The following SPPL2B variants were observed in gnomAD, a reference collection of about 807,000 sequenced individuals.
SPPL2B encodes the protein signal peptide peptidase-like 2B.
Under a neutral mutation model 59.7 loss-of-function variants are expected in SPPL2B, and 39 were observed. The observed-to-expected ratio is 0.65, with a 90% CI of 0.51 to 0.85. The LOEUF is 0.85. Ranked by LOEUF, SPPL2B falls within the 40% of genes least tolerant of loss-of-function variation. The pLI is 0.00. For synonymous variants in SPPL2B, 419 were observed against 370.8 expected (o/e 1.13, Z -1.49); for missense variants, 865 against 849.0 (o/e 1.02, Z -0.23).
intron 2 of SPPL2B, among the ~76,000 whole-genome samples, chr19:2,335,443 C>A (rs1317724210): frequency 6.9e-6 from 1 of 145,556 alleles, no homozygotes. Context: ...CCACTGCATG[C>A]TTCAGGCCCC....
At chr19:2,335,914 C>T (rs1370991969) in intron 2 of SPPL2B, among the ~76,000 whole-genome samples, 1 of 152,200 alleles carries the variant, frequency 6.6e-6, no homozygotes, top group Non-Finnish European at 1.5e-5. Flanking sequence ...CATGTGTCTG[C>T]ATGTTTATGT....
chr19:2,339,266 G>T, intron 5 of SPPL2B, 58 bp downstream of exon 5: 2 of 1,555,344 alleles, frequency 1.3e-6, no homozygotes, highest in South Asian at 2.4e-5. Flanking sequence ...ACACGGGCCG[G>T]GACGGCCAGT....
At position 2,340,586 on chromosome 19, in the gene SPPL2B, C is replaced by T. The variant is rs1968970587; in HGVS notation, c.840-312C>T. The T allele has an allele frequency of 7.4e-6, 4 of 541,780 alleles. No homozygotes were observed. In the Admixed American group the frequency reaches 9.6e-5, roughly 13 times the overall value. 33.6% of individuals were successfully genotyped at this position (541,780 alleles called of 1,614,324 possible). A position where few individuals can be genotyped will look rare whatever the true frequency, so the allele number is the denominator to read the frequency against. On this transcript the variant is annotated intron_variant, in intron 7 of 14. Transcript: ENST00000613503. ...GAAGCGGGGCTAGCCCAGGGGGAGA[C>T]CTTTTTGTGTTGCCGTCCCTGGGTG...
chr19:2,337,708 C>T, intron 3 of SPPL2B, 83 bp downstream of exon 3: 8 of 1,358,558 alleles, frequency 5.9e-6, no homozygotes, highest in Non-Finnish European at 7.8e-6. Context: ...GCAGCTGGGG[C>T]TGGTCTTCCG....
chr19:2,348,999 C>T (rs1469231304), intron 13 of SPPL2B, among the ~76,000 whole-genome samples: 3 of 138,690 alleles, frequency 2.2e-5, no homozygotes, highest in African/African-American at 5.6e-5. Context: ...CACACTCACG[C>T]TCTCATTCGC....
At chr19:2,350,967 C>G (rs766025596) in intron 13 of SPPL2B, among the ~76,000 whole-genome samples, 2 of 152,266 alleles carry the variant, frequency 1.3e-5, no homozygotes, top group African/African-American at 2.4e-5. Flanking sequence ...TGACCCCAAA[C>G]ATTTCACTGG....
intron 3 of SPPL2B, chr19:2,338,162 G>A (rs1231464297): frequency 3.2e-5 from 5 of 156,422 alleles, no homozygotes; most frequent in Admixed American, 1.3e-4. Flanking sequence ...TGCTGGGCTG[G>A]GCAGGGTGCG....
intron 1 of SPPL2B, among the ~76,000 whole-genome samples, chr19:2,330,952 G>C (rs1247224063): frequency 6.6e-6 from 1 of 152,222 alleles, no homozygotes; most frequent in East Asian, 1.9e-4. Flanking sequence ...CCTGGAGGGG[G>C]GCAGTGCTTC....
rs777191787 is a variant in SPPL2B at position 2,345,237 on chromosome 19, C to T, written c.1277-16C>T. ...TCTGCGGGCCCGAGTAAGCCTCCGC[C>T]CTGTGCCTCCCCCAGGGCTGCTGGT... On this transcript the variant is annotated splice_polypyrimidine_tract_variant and intron_variant, in intron 12 of 14. Coordinates refer to ENST00000613503, the MANE Select transcript of SPPL2B (RefSeq NM_152988.3). 5.6e-6 allele frequency: 9 copies of T among 1,611,978 alleles called. No individual in the cohort carries two copies. Among genetic ancestry groups the T allele is most frequent in the Non-Finnish European group, 6.8e-6 (8 of 1,179,076 alleles).
chr19:2,340,921 A>C lies in SPPL2B; in HGVS notation c.863A>C (p.Tyr288Ser). The C allele has an allele frequency of 6.3e-7, 1 of 1,598,942 alleles. No homozygotes were observed. The highest frequency in any genetic ancestry group is 8.5e-7 in the Non-Finnish European group (1 of 1,177,768). ...KCRIPNNSLP[Y>S]FHKRPQARML... The stretch of plus-strand genomic sequence containing the variant: ...AGGATCCCCAACAACAGCCTGCCCT[A>C]CTTCCACAAGCGCCCGCAGGCCCGT... Residue 288 changes from tyrosine (Y) to serine (S), a missense_variant, in exon 8 of 15, where the codon TAC becomes TCC. Transcript: ENST00000613503.
rs2145210520 is a variant in SPPL2B, at chr19:2,351,533, G to C, written c.1454G>C (p.Ser485Thr). 1.2e-6 allele frequency: 2 copies of C among 1,611,388 alleles called. No homozygotes were observed. The highest frequency in any genetic ancestry group is 8.5e-7 in the Non-Finnish European group (1 of 1,179,566). The change falls in exon 14 of 15, where the codon AGC becomes ACC. Residue 485 changes from serine (S) to threonine (T), a missense_variant. Ser to Thr is a moderately conservative substitution (Grantham distance 58). Transcript: ENST00000613503. ...LYLVPCTLVTSCAVALWRREL... is the reference protein window; with the variant it reads ...LYLVPCTLVTTCAVALWRREL... Reference sequence around the variant, plus strand: ...CTGGTGCCCTGCACGCTGGTGACGAGCTGCGCTGTGGCGCTCTGGCGCCGG... The same window carrying C: ...CTGGTGCCCTGCACGCTGGTGACGACCTGCGCTGTGGCGCTCTGGCGCCGG...
intron 6 of SPPL2B, 55 bp downstream of exon 6, chr19:2,340,021 G>C: frequency 6.4e-7 from 1 of 1,557,942 alleles, no homozygotes; most frequent in Non-Finnish European, 8.7e-7. Context: ...CGCCCCGTGC[G>C]GAGGGAGGGT....
In SPPL2B at chr19:2,332,812, G is replaced by C. The variant is rs1280565021; in HGVS notation, c.67-1790G>C. Among the ~76,000 whole-genome samples, 1 of 152,194 alleles carries C rather than the reference G, an allele frequency of 6.6e-6. No homozygotes were observed. The highest frequency in any genetic ancestry group is 3.2e-3 in the Middle Eastern group (1 of 316). ...GTCTGCAGTGTGGCACAGCAGCTGGGACCTGGGCCCCATCGCTGTGAGACC... is the reference window on the plus strand; with the variant it reads ...GTCTGCAGTGTGGCACAGCAGCTGGCACCTGGGCCCCATCGCTGTGAGACC... On this transcript the variant is annotated intron_variant, in intron 1 of 14. Coordinates refer to ENST00000613503, the MANE Select transcript of SPPL2B (RefSeq NM_152988.3). This position sits in a 1 kb window ranked among gnomAD's most constrained non-coding sequence, Gnocchi z 4.6.
intron 12 of SPPL2B, among the ~76,000 whole-genome samples, chr19:2,344,867 G>A (rs1045870294): frequency 6.6e-6 from 1 of 152,152 alleles, no homozygotes; most frequent in Non-Finnish European, 1.5e-5. Context: ...CCTAGGGAGC[G>A]GGGAAGGCCC....
chr19:2,348,162 C>T (rs1345422880), intron 13 of SPPL2B, among the ~76,000 whole-genome samples: 1 of 21,276 alleles, frequency 4.7e-5, no homozygotes, highest in Non-Finnish European at 7.7e-5. Flanking sequence ...TCCGTTCTCT[C>T]TCCACACACA....
chr19:2,335,178 C>A (rs1166599857), intron 2 of SPPL2B, among the ~76,000 whole-genome samples: 1 of 152,086 alleles, frequency 6.6e-6, no homozygotes, highest in East Asian at 1.9e-4. Context: ...CATGCCCCGC[C>A]TCCTTTCCCA....
intron 11 of SPPL2B, 49 bp from the exon 12 acceptor site, chr19:2,344,504 C>T (rs553302272): frequency 5.1e-6 from 8 of 1,576,798 alleles, no homozygotes; most frequent in Admixed American, 3.5e-5. Context: ...AGGCATCCCG[C>T]GGCCGGGTGA....
chr19:2,351,349 C>A, intron 13 of SPPL2B, 85 bp from the exon 14 acceptor site: 1 of 1,197,586 alleles, frequency 8.4e-7, no homozygotes, highest in Non-Finnish European at 1.2e-6. Context: ...CCTCCACCAA[C>A]CCCAGCCCGC....
At position 2,337,943 on chromosome 19, in the gene SPPL2B, G is replaced by C. The variant is rs1193531436; in HGVS notation, c.369+318G>C. The stretch of plus-strand genomic sequence containing the variant: ...CACTCTCTGTGGGGATGGGATTGGG[G>C]TGGCTTCTGAGGAGCAGGTGGCCTG... On this transcript the variant is annotated intron_variant, in intron 3 of 14. Transcript: ENST00000613503. 2.5e-5 allele frequency: 7 copies of C among 281,016 alleles called. No homozygotes were observed. The South Asian group carries it at 4.4e-4, about 18-fold the overall frequency. The allele number at this position is 281,016 out of a possible 1,614,324, so 17.4% of individuals were successfully genotyped here. A position where few individuals can be genotyped will look rare whatever the true frequency, so the allele number is the denominator to read the frequency against.
Sources: gnomAD v4.1 joint callset for allele counts (sites outside exome capture counted in the v4.1 genomes callset) on GRCh38, gnomAD v4.1.1 for gene constraint, Gnocchi (gnomAD v3.1) non-coding constraint, MANE v1.5 for transcripts, NCBI Gene and HGNC (gene_info 2026-07-23, HGNC 2026-07-21) for gene names.